Variants in DRC11 observed in about 807,000 individuals in gnomAD.
DRC11 encodes the protein dynein regulatory complex subunit 11, also known as IQ and AAA domain-containing protein 1.
the DRC11 span, chr2:236,331,528 G>A: frequency 5.0e-6 from 8 of 1,613,744 alleles, no homozygotes; most frequent in East Asian, 4.5e-5. This position sits in a 1 kb window ranked among gnomAD's most constrained non-coding sequence, Gnocchi z 4.8. Flanking sequence ...AGTGACCTTC[G>A]CCAGGCAGCT....
chr2:236,424,736 G>T, the DRC11 span, among the ~76,000 whole-genome samples: 1 of 151,450 alleles, frequency 6.6e-6, no homozygotes, highest in South Asian at 2.1e-4. Context: ...TCATCATGCT[G>T]GACAATACAT....
chr2:236,398,120 G>A, the DRC11 span, among the ~76,000 whole-genome samples: 1 of 152,132 alleles, frequency 6.6e-6, no homozygotes, highest in African/African-American at 2.4e-5. The surrounding 1 kb of genome is among the most constrained non-coding windows in gnomAD (Gnocchi z 6.2). Context: ...TAAATGAGAT[G>A]GGCATGGAAA....
chr2:236,376,287 G>A, the DRC11 span, among the ~76,000 whole-genome samples: 5 of 152,330 alleles, frequency 3.3e-5, no homozygotes, highest in South Asian at 8.3e-4. This position sits in a 1 kb window ranked among gnomAD's most constrained non-coding sequence, Gnocchi z 5.7. Flanking sequence ...CTGGGAAACT[G>A]TTCCTGACGG....
the DRC11 span, chr2:236,493,887 G>T: frequency 1.3e-6 from 2 of 1,593,376 alleles, no homozygotes; most frequent in Non-Finnish European, 1.7e-6. Context: ...TCTAATTGTT[G>T]CTAGAGAAGA....
chr2:236,464,812 G>GTAT, the DRC11 span, among the ~76,000 whole-genome samples: 2 of 151,826 alleles, frequency 1.3e-5, no homozygotes, highest in Non-Finnish European at 2.9e-5. Context: ...TTGTTTAAAA[G>GTAT]TATGTGGCAC....
the DRC11 span, among the ~76,000 whole-genome samples, chr2:236,357,607 ATATT>A: frequency 3.2e-5 from 4 of 124,694 alleles, no homozygotes; most frequent in South Asian, 2.3e-4. Context: ...ATGTAAATAT[ATATT>A]TATAAATATA....
At chr2:236,504,459 G>T in the DRC11 span, among the ~76,000 whole-genome samples, 1 of 152,072 alleles carries the variant, frequency 6.6e-6, no homozygotes, top group African/African-American at 2.4e-5. This position sits in a 1 kb window ranked among gnomAD's most constrained non-coding sequence, Gnocchi z 5.0. Flanking sequence ...CCCTGGGTAG[G>T]GCAAGGTGGT....
chr2:236,321,636 A>G, the DRC11 span, among the ~76,000 whole-genome samples: 7 of 152,208 alleles, frequency 4.6e-5, no homozygotes, highest in Non-Finnish European at 1.0e-4. Flanking sequence ...AAGTGTATGT[A>G]TCTTTGGCTC....
chr2:236,378,632 G>A, the DRC11 span, among the ~76,000 whole-genome samples: 1 of 149,974 alleles, frequency 6.7e-6, no homozygotes, highest in African/African-American at 2.5e-5. Context: ...CTGAGATGGC[G>A]CAAGTTCTCT....
At chr2:236,439,448 G>C in the DRC11 span, among the ~76,000 whole-genome samples, 1 of 152,106 alleles carries the variant, frequency 6.6e-6, no homozygotes, top group African/African-American at 2.4e-5. Flanking sequence ...TAACTTCATA[G>C]AATAATAAAA....
At chr2:236,449,018 C>A in the DRC11 span, among the ~76,000 whole-genome samples, 2 of 151,922 alleles carry the variant, frequency 1.3e-5, no homozygotes, top group South Asian at 4.2e-4. This position sits in a 1 kb window ranked among gnomAD's most constrained non-coding sequence, Gnocchi z 5.1. Context: ...TGCCACCACG[C>A]CTGGCAAATT....
the DRC11 span, among the ~76,000 whole-genome samples, chr2:236,420,541 T>C: frequency 6.6e-6 from 1 of 152,006 alleles, no homozygotes; most frequent in Non-Finnish European, 1.5e-5. The surrounding 1 kb of genome is among the most constrained non-coding windows in gnomAD (Gnocchi z 4.8). Flanking sequence ...TTTATCCTAG[T>C]GTGGAGAAAG....
the DRC11 span, among the ~76,000 whole-genome samples, chr2:236,382,401 C>T: frequency 6.6e-6 from 1 of 152,092 alleles, no homozygotes; most frequent in Non-Finnish European, 1.5e-5. Flanking sequence ...CTTTATTCTT[C>T]TTTTTCAAAA....
At chr2:236,456,419 C>A in the DRC11 span, among the ~76,000 whole-genome samples, 1 of 152,130 alleles carries the variant, frequency 6.6e-6, no homozygotes. The surrounding 1 kb of genome is among the most constrained non-coding windows in gnomAD (Gnocchi z 5.4). Flanking sequence ...GTGGCATTTG[C>A]AATGCATTTG....
At chr2:236,366,902 C>T in the DRC11 span, among the ~76,000 whole-genome samples, 3 of 151,310 alleles carry the variant, frequency 2.0e-5, no homozygotes, top group East Asian at 3.9e-4. Flanking sequence ...GGCGTGATCC[C>T]GGGTTCCAGC....
the DRC11 span, among the ~76,000 whole-genome samples, chr2:236,390,859 G>A: frequency 6.6e-6 from 1 of 152,170 alleles, no homozygotes; most frequent in Non-Finnish European, 1.5e-5. The surrounding 1 kb of genome is among the most constrained non-coding windows in gnomAD (Gnocchi z 5.9). Flanking sequence ...GGGTTTCACT[G>A]GCCTGGTGCT....
the DRC11 span, among the ~76,000 whole-genome samples, chr2:236,356,968 AT>A: frequency 2.1e-4 from 22 of 107,046 alleles, no homozygotes; most frequent in East Asian, 2.0e-3. Context: ...AAATATATAT[AT>A]TATATATTCA....
the DRC11 span, among the ~76,000 whole-genome samples, chr2:236,504,865 T>C: frequency 2.7e-4 from 41 of 152,318 alleles, no homozygotes; most frequent in Non-Finnish European, 4.7e-4. This position sits in a 1 kb window ranked among gnomAD's most constrained non-coding sequence, Gnocchi z 5.0. Flanking sequence ...CATGTTTGAC[T>C]TCACCTGCTG....
At chr2:236,406,530 C>A in the DRC11 span, among the ~76,000 whole-genome samples, 1 of 152,090 alleles carries the variant, frequency 6.6e-6, no homozygotes, top group Non-Finnish European at 1.5e-5. This position sits in a 1 kb window ranked among gnomAD's most constrained non-coding sequence, Gnocchi z 4.7. Context: ...CCTCTGGGTC[C>A]GTATCCTGGG....
Sources: allele counts gnomAD v4.1 joint callset (sites outside exome capture counted in the v4.1 genomes callset), GRCh38; gene constraint gnomAD v4.1.1; non-coding constraint Gnocchi (gnomAD v3.1); transcripts MANE v1.5; gene names NCBI Gene and HGNC (gene_info 2026-07-23, HGNC 2026-07-21).